Variants in RBFOX1 observed in about 807,000 individuals in gnomAD.
RBFOX1 encodes RNA binding fox-1 homolog 1, also known as RNA binding protein fox-1 homolog 1.
A neutral mutation model predicts 57.7 loss-of-function variants in RBFOX1; 8 were observed. That is an observed-to-expected ratio of 0.14 (90% CI 0.08 to 0.25). The LOEUF (loss-of-function observed/expected upper bound fraction) is 0.25, where lower values mean the gene tolerates loss of function less well. RBFOX1 is among the 10% of genes least tolerant of loss of function. The pLI is 1.00. For synonymous variants in RBFOX1, 326 were observed against 222.4 expected (o/e 1.47, Z -4.15); for missense variants, 611 against 548.5 (o/e 1.11, Z -1.14).
At chr16:6,711,813 C>T (rs1318466758) in intron 3 of RBFOX1, among the ~76,000 whole-genome samples, 2 of 152,132 alleles carry the variant, frequency 1.3e-5, no homozygotes, top group African/African-American at 4.8e-5. Context: ...TTGTCTATTT[C>T]CTCTACCTGG....
chr16:6,013,485 T>C (rs889852208), intron 4 of RBFOX1, among the ~76,000 whole-genome samples: 8 of 152,146 alleles, frequency 5.3e-5, no homozygotes, highest in African/African-American at 1.7e-4. Context: ...TCATGAATCA[T>C]TGACATGATT....
chr16:6,997,054 T>C (rs945640681), intron 3 of RBFOX1, among the ~76,000 whole-genome samples: 3 of 152,190 alleles, frequency 2.0e-5, no homozygotes, highest in East Asian at 1.9e-4. Flanking sequence ...ATAAGTACAT[T>C]GTAGACAGAT....
chr16:5,240,437 T>A (rs562510335), intron 1 of RBFOX1, among the ~76,000 whole-genome samples: 1 of 151,988 alleles, frequency 6.6e-6, no homozygotes, highest in Non-Finnish European at 1.5e-5. Flanking sequence ...GGGCATCCTG[T>A]CTGGGGCATC....
chr16:7,412,181 C>G (rs534855811), intron 4 of RBFOX1, among the ~76,000 whole-genome samples: 75 of 152,124 alleles, frequency 4.9e-4, no homozygotes, highest in Admixed American at 3.0e-3. Flanking sequence ...CGGCTGTAAT[C>G]CCAGTACTTT....
chr16:6,848,128 C>G (rs958622882), intron 3 of RBFOX1, among the ~76,000 whole-genome samples: 1 of 151,916 alleles, frequency 6.6e-6, no homozygotes, highest in Non-Finnish European at 1.5e-5. Context: ...TCATTGTGCC[C>G]GATCCAAGAC....
chr16:7,545,893 C>T (rs971201372), intron 5 of RBFOX1, among the ~76,000 whole-genome samples: 3 of 151,898 alleles, frequency 2.0e-5, no homozygotes, highest in African/African-American at 4.8e-5. Flanking sequence ...GCTGGTCCTG[C>T]CTACCTGACA....
At chr16:6,147,569 C>G (rs987961844) in intron 1 of RBFOX1, among the ~76,000 whole-genome samples, 9 of 151,862 alleles carry the variant, frequency 5.9e-5, no homozygotes, top group Admixed American at 2.6e-4. Context: ...AAACACCCAA[C>G]AATTAAAACT....
intron 4 of RBFOX1, among the ~76,000 whole-genome samples, chr16:7,108,029 G>T (rs2063924486): frequency 6.6e-6 from 1 of 152,022 alleles, no homozygotes; most frequent in African/African-American, 2.4e-5. Context: ...TTGGGGGGGA[G>T]AGGGTAGAGA....
At chr16:5,823,904 A>G (rs1357491672) in intron 3 of RBFOX1, among the ~76,000 whole-genome samples, 1 of 152,176 alleles carries the variant, frequency 6.6e-6, no homozygotes, top group Non-Finnish European at 1.5e-5. Flanking sequence ...GGCACAATAA[A>G]CATAATGTAA....
chr16:6,322,037 C>G (rs2081866366), intron 2 of RBFOX1, among the ~76,000 whole-genome samples: 2 of 152,228 alleles, frequency 1.3e-5, no homozygotes, highest in African/African-American at 4.8e-5. Context: ...TCTCAGGAAC[C>G]TCAGTCCCAA....
intron 2 of RBFOX1, among the ~76,000 whole-genome samples, chr16:6,456,281 CGTGT>C (rs1411469126): frequency 1.5e-4 from 23 of 151,930 alleles, no homozygotes; most frequent in South Asian, 2.1e-4. Context: ...TATGTGTGTG[CGTGT>C]GTAAGAGTGT....
At chr16:5,899,886 C>T (rs1328942084) in intron 4 of RBFOX1, among the ~76,000 whole-genome samples, 1 of 152,136 alleles carries the variant, frequency 6.6e-6, no homozygotes, top group Non-Finnish European at 1.5e-5. Context: ...CTAGCCTGGG[C>T]AACATGGTGC....
chr16:6,510,939 G>A (rs556135776), intron 2 of RBFOX1, among the ~76,000 whole-genome samples: 1 of 152,216 alleles, frequency 6.6e-6, no homozygotes, highest in Admixed American at 6.5e-5. Flanking sequence ...AAGACAAGGA[G>A]TGGATTTGAA....
chr16:7,644,584 CTG>C (rs888703927), intron 11 of RBFOX1, among the ~76,000 whole-genome samples: 31 of 152,302 alleles, frequency 2.0e-4, no homozygotes, highest in African/African-American at 7.2e-4. Flanking sequence ...TCTTTCGTAA[CTG>C]TAGGACTATG....
At chr16:6,901,811 C>T (rs960094622) in intron 3 of RBFOX1, among the ~76,000 whole-genome samples, 4 of 152,268 alleles carry the variant, frequency 2.6e-5, no homozygotes, top group Non-Finnish European at 4.4e-5. Context: ...TAATACTTCA[C>T]TGTTATATTT....
intron 1 of RBFOX1, among the ~76,000 whole-genome samples, chr16:6,084,851 A>T (rs1053651550): frequency 1.3e-5 from 2 of 152,022 alleles, no homozygotes; most frequent in African/African-American, 2.4e-5. Flanking sequence ...AGTAATTTTG[A>T]CCTTGAGCTA....
Position 6,150,358 on chromosome 16 carries a change from G to C in RBFOX1, c.-127+130366G>C, listed in dbSNP as rs2096789094. 2.0e-5 allele frequency among the ~76,000 whole-genome samples: 3 copies of C among 152,264 alleles called. No individual in the cohort carries two copies. The East Asian group carries it at 5.8e-4, about 29-fold the overall frequency. On this transcript the variant is annotated intron_variant, in intron 1 of 15. Coordinates refer to ENST00000550418, the MANE Select transcript of RBFOX1 (RefSeq NM_018723.4). The stretch of plus-strand genomic sequence containing the variant: ...TAAAGGGCCTGGCAGAGAACCAGGA[G>C]AGAAGAGTTGAAGTTGTGAGGATCT...
At chr16:7,559,947 C>A (rs1003248174) in intron 5 of RBFOX1, among the ~76,000 whole-genome samples, 1 of 152,178 alleles carries the variant, frequency 6.6e-6, no homozygotes, top group African/African-American at 2.4e-5. Flanking sequence ...AGGATTGCCT[C>A]CCTAAGGTAT....
chr16:5,903,204 A>G lies in RBFOX1; in HGVS notation c.351+35869A>G, dbSNP rs529830637. Among the ~76,000 whole-genome samples, 8 of 152,290 alleles carry G rather than the reference A, an allele frequency of 5.3e-5. No individual in the cohort carries two copies. In the East Asian group the frequency reaches 1.5e-3, roughly 29 times the overall value. On this transcript the variant is annotated intron_variant, in intron 4 of 19. Transcript: ENST00000641259. ...AAAATGTAAACCCATGCAGTGTTTC[A>G]GAAGACAGTCTCCTAAACTAACACC...
Sources: allele counts gnomAD v4.1 joint callset (sites outside exome capture counted in the v4.1 genomes callset), GRCh38; gene constraint gnomAD v4.1.1; transcripts MANE v1.5; gene names NCBI Gene and HGNC (gene_info 2026-07-23, HGNC 2026-07-21).